The following LRBA variants were observed in gnomAD, a reference collection of about 807,000 sequenced individuals.
The protein encoded by LRBA is LPS responsive beige-like anchor protein, also known as lipopolysaccharide-responsive and beige-like anchor protein.
A neutral mutation model predicts 330.0 loss-of-function variants in LRBA; 176 were observed. That is an observed-to-expected ratio of 0.53 (90% CI 0.47 to 0.60). The LOEUF (loss-of-function observed/expected upper bound fraction) is 0.60. Ranked by LOEUF, LRBA falls within the 20% of genes least tolerant of loss-of-function variation. The probability of loss-of-function intolerance (pLI) is 0.00; values close to 1 mark genes in which losing one functional copy is unlikely to be tolerated. For missense variants in LRBA, 3,259 were observed against 3,444.8 expected, an observed-to-expected ratio of 0.95 and a Z score of 1.35; for synonymous variants, 1,230 against 1,193.0, an observed-to-expected ratio of 1.03 and a Z score of -0.64.
intron 2 of LRBA, among the ~76,000 whole-genome samples, chr4:150,969,782 T>G (rs910748212): frequency 1.3e-5 from 2 of 152,182 alleles, no homozygotes; most frequent in African/African-American, 4.8e-5. Context: ...AGCGGTTTCT[T>G]GAGATGGAAA....
chr4:150,704,942 A>G (rs1328615437), intron 36 of LRBA, among the ~76,000 whole-genome samples: 1 of 152,194 alleles, frequency 6.6e-6, no homozygotes, highest in African/African-American at 2.4e-5. Context: ...CATACAGCAG[A>G]TTCTATACTA....
Position 150,871,361 on chromosome 4 carries a change from T to C in LRBA, c.2351A>G (p.Tyr784Cys). ...LQTNLITMTT[Y>C]NVLFEILIEQ... ...CATTCCTACCTCAAACAGCACATTA[T>C]ATGTGGTCATTGTGATTAAATTTGT... is the stretch of plus-strand genomic sequence containing the variant. The change falls in exon 19 of 57, where the codon TAT becomes TGT. Residue 784 changes from tyrosine to cysteine, a missense_variant. By Grantham distance (194) the Tyr-to-Cys change is radical. Coordinates refer to ENST00000651943, the MANE Select transcript of LRBA (RefSeq NM_001364905.1). The C allele has an allele frequency of 1.9e-6, 3 of 1,604,422 alleles. No homozygotes were observed. Among genetic ancestry groups the C allele is most frequent in the Non-Finnish European group, 2.6e-6 (3 of 1,171,604 alleles).
rs375202875 is a variant in LRBA at position 150,280,901 on chromosome 4, A to AAGTT, written c.8316+1545_8316+1548dup. 6.7e-3 allele frequency among the ~76,000 whole-genome samples: 1,027 copies of AAGTT among 152,332 alleles called. 10 individuals carry two copies. Among genetic ancestry groups the AAGTT allele is most frequent in the African/African-American group, 0.024 (977 of 41,564 alleles). On this transcript the variant is annotated intron_variant, in intron 55 of 56. Coordinates refer to ENST00000651943, the MANE Select transcript of LRBA (RefSeq NM_001364905.1). ...CTTTAATCACACAGTTGCCACTTGC[A>AAGTT]AGTTAGCATGATAAAGTGCAGGAGT...
intron 41 of LRBA, 63 bp from the exon 42 acceptor site, chr4:150,487,897 C>T: frequency 1.3e-6 from 1 of 781,706 alleles, no homozygotes; most frequent in Non-Finnish European, 2.1e-6. Flanking sequence ...AAACTGACTC[C>T]TTGGTCCAAT....
rs76608914 is a variant in LRBA at position 150,266,516 on chromosome 4, T to TCTC, written c.8469-707_8469-705dup. Among the ~76,000 whole-genome samples, 31,762 of 152,112 alleles carry TCTC rather than the reference T, an allele frequency of 0.21. 4,034 individuals carry two copies. Among genetic ancestry groups the TCTC allele is most frequent in the Non-Finnish European group, 0.3 (20,163 of 67,944 alleles). On this transcript the variant is annotated intron_variant, in intron 56 of 56. Coordinates refer to ENST00000651943, the MANE Select transcript of LRBA (RefSeq NM_001364905.1). The stretch of plus-strand genomic sequence containing the variant: ...CCTAAACTGAGCATAGCCAGATTTT[T>TCTC]CTCTGTGTAGTTTGGTTAGGACCAG...
chr4:150,620,567 G>A lies in LRBA; in HGVS notation c.5922-21436C>T, dbSNP rs1002770211. On this transcript the variant is annotated intron_variant, in intron 37 of 56. Coordinates refer to ENST00000651943, the MANE Select transcript of LRBA (RefSeq NM_001364905.1). ...TACGGAATCAACCTAAGTGCCCATC[G>A]AACAATGAATGGATAAAGAAAATGT... Among the ~76,000 whole-genome samples the A allele has an allele frequency of 7.9e-5, 12 of 152,140 alleles. 1 individual carries two copies. Among genetic ancestry groups the A allele is most frequent in the Admixed American group, 2.0e-4 (3 of 15,274 alleles).
At chr4:150,484,962 C>T (rs547461339) in intron 42 of LRBA, among the ~76,000 whole-genome samples, 1 of 151,964 alleles carries the variant, frequency 6.6e-6, no homozygotes, top group African/African-American at 2.4e-5. Context: ...AAAAACCTTT[C>T]TGTAACTGAT....
intron 30 of LRBA, among the ~76,000 whole-genome samples, chr4:150,827,355 A>G (rs1746418616): frequency 5.3e-5 from 8 of 152,130 alleles, no homozygotes; most frequent in Admixed American, 5.2e-4. Context: ...AAAAAGCAAA[A>G]AGGTCAGAAA....
chr4:150,600,576 A>T, intron 37 of LRBA, among the ~76,000 whole-genome samples: 1 of 151,858 alleles, frequency 6.6e-6, no homozygotes, highest in South Asian at 2.1e-4. Flanking sequence ...TCCTTGGGTG[A>T]TTTTGGTCAG....
chr4:150,559,800 T>G, intron 40 of LRBA, among the ~76,000 whole-genome samples: 1 of 72,182 alleles, frequency 1.4e-5, no homozygotes, highest in Non-Finnish European at 2.3e-5. Context: ...ATAATTATAA[T>G]ATGTTATATA....
In LRBA at chr4:150,323,357, T is replaced by A. The variant is rs183794791; in HGVS notation, c.7453-1989A>T. On this transcript the variant is annotated intron_variant, in intron 49 of 56. Transcript: ENST00000651943. ...ACTCAGAGAAAATCAGAGTACAACA[T>A]AATCATAAAATCTCACTGAAAGGAA... Among the ~76,000 whole-genome samples the A allele has an allele frequency of 4.0e-3, 614 of 152,264 alleles. 2 individuals carry two copies. Among genetic ancestry groups the A allele is most frequent in the Non-Finnish European group, 5.7e-3 (386 of 67,998 alleles).
At chr4:150,621,109 T>C in intron 37 of LRBA, among the ~76,000 whole-genome samples, 1 of 149,890 alleles carries the variant, frequency 6.7e-6, no homozygotes, top group East Asian at 1.9e-4. Flanking sequence ...AAAAATGCAA[T>C]AAAATAAAGG....
Position 150,514,106 on chromosome 4 carries a change from CTT to C in LRBA, c.6331-23073_6331-23072del, listed in dbSNP as rs1470881077. ...TTTGTTTTTGAGATGGAGTTTCACT[CTT>C]GTCACCCAGGCTGGAGTGCAATGGC... On this transcript the variant is annotated intron_variant, in intron 40 of 56. Transcript: ENST00000651943. Among the ~76,000 whole-genome samples the C allele has an allele frequency of 2.0e-5, 3 of 152,266 alleles. No homozygotes were observed. The East Asian group carries it at 5.8e-4, about 29-fold the overall frequency.
chr4:151,006,232 C>A (rs946723221), intron 2 of LRBA, among the ~76,000 whole-genome samples: 4 of 152,090 alleles, frequency 2.6e-5, no homozygotes. Flanking sequence ...GAAGCTGAGG[C>A]AGGAGAATCA....
At chr4:150,612,706 T>A (rs1017957195) in intron 37 of LRBA, among the ~76,000 whole-genome samples, 3 of 152,196 alleles carry the variant, frequency 2.0e-5, no homozygotes, top group Admixed American at 2.0e-4. Context: ...AAGAACTGGT[T>A]GAGGTGCCTT....
At chr4:150,374,170 TTTC>T (rs1740880292) in intron 47 of LRBA, among the ~76,000 whole-genome samples, 1 of 152,210 alleles carries the variant, frequency 6.6e-6, no homozygotes, top group African/African-American at 2.4e-5. Flanking sequence ...GGATGAAACG[TTTC>T]TCCCTCTATG....
At chr4:150,404,629 T>C (rs1269484129) in intron 47 of LRBA, among the ~76,000 whole-genome samples, 1 of 152,164 alleles carries the variant, frequency 6.6e-6, no homozygotes, top group Non-Finnish European at 1.5e-5. Context: ...TTCAGCTATA[T>C]CACTGAGGCT....
intron 36 of LRBA, among the ~76,000 whole-genome samples, chr4:150,702,743 C>G (rs989909189): frequency 1.3e-5 from 2 of 152,088 alleles, no homozygotes; most frequent in African/African-American, 2.4e-5. Context: ...TAAATTCATG[C>G]TCTTAAGCAT....
At position 150,471,618 on chromosome 4, in the gene LRBA, G is replaced by A; in HGVS notation, c.6667+6C>T. On this transcript the variant is annotated splice_donor_region_variant and intron_variant, in intron 43 of 56. Coordinates refer to ENST00000651943, the MANE Select transcript of LRBA (RefSeq NM_001364905.1). ...TAAAATAAATCAATACATGGAATTA[G>A]GTTACCTGCTATCGTGTTGAGAAAC... is the stretch of plus-strand genomic sequence containing the variant. 6.8e-7 allele frequency: 1 copy of A among 1,462,116 alleles called. No individual in the cohort carries two copies. Among genetic ancestry groups the A allele is most frequent in the South Asian group, 1.2e-5 (1 of 82,392 alleles). The allele number at this position is 1,462,116 out of a possible 1,614,324, so 90.6% of individuals were successfully genotyped here. A position where few individuals can be genotyped will look rare whatever the true frequency, so the allele number is the denominator to read the frequency against.
Sources: allele counts gnomAD v4.1 joint callset (sites outside exome capture counted in the v4.1 genomes callset), GRCh38; gene constraint gnomAD v4.1.1; transcripts MANE v1.5; gene names NCBI Gene and HGNC (gene_info 2026-07-23, HGNC 2026-07-21).